B4GALT4: variants seen among roughly 807,000 people sequenced by gnomAD.
The protein encoded by B4GALT4 is N-acetyllactosamine synthase.
In B4GALT4, 27 loss-of-function variants were observed where a neutral mutation model predicts 37.3. That is an observed-to-expected ratio of 0.72 (90% CI 0.53 to 1.00). B4GALT4 has a LOEUF of 1.00. B4GALT4 is among the 50% of genes least tolerant of loss of function. The probability of loss-of-function intolerance (pLI) is 0.00; values close to 1 mark genes in which losing one functional copy is unlikely to be tolerated. For missense variants in B4GALT4, 372 were observed against 413.1 expected (o/e 0.90, Z 0.86); for synonymous variants, 148 against 154.1 (o/e 0.96, Z 0.29).
intron 2 of B4GALT4, among the ~76,000 whole-genome samples, chr3:119,231,212 C>A (rs908631356): frequency 6.6e-6 from 1 of 152,112 alleles, no homozygotes; most frequent in South Asian, 2.1e-4. Flanking sequence ...TAAGAGGGGG[C>A]TATGCTCTTA....
intron 2 of B4GALT4, among the ~76,000 whole-genome samples, chr3:119,234,052 T>C (rs1273669845): frequency 2.6e-5 from 4 of 152,194 alleles, no homozygotes; most frequent in Non-Finnish European, 4.4e-5. Context: ...AAAGTTGCTC[T>C]AGGAATTTAA....
At chr3:119,233,307 G>A (rs550670190) in intron 2 of B4GALT4, among the ~76,000 whole-genome samples, 1 of 152,258 alleles carries the variant, frequency 6.6e-6, no homozygotes, top group Non-Finnish European at 1.5e-5. Flanking sequence ...GGGGTACATG[G>A]GAAATCTCTG....
At chr3:119,216,112 T>C (rs1248532451) in intron 7 of B4GALT4, 128 bp downstream of exon 7, 1 of 660,520 alleles carries the variant, frequency 1.5e-6, no homozygotes, top group Non-Finnish European at 2.3e-6. Flanking sequence ...TGTGTCTGTT[T>C]GAAAATTTGC....
At chr3:119,236,148 C>T (rs2078978601) in intron 2 of B4GALT4, 1 of 152,150 alleles carries the variant, frequency 6.6e-6, no homozygotes, top group South Asian at 2.1e-4. Context: ...AATCCAATCG[C>T]TCACCACAAG....
chr3:119,216,443 CAT>C (rs1438727546), intron 6 of B4GALT4, 99 bp from the exon 7 acceptor site: 137 of 3,048 alleles, frequency 0.045, 9 homozygotes, highest in East Asian at 0.16. Context: ...CACACACGCA[CAT>C]ACACACACAC....
intron 1 of B4GALT4, chr3:119,240,413 G>A (rs1416360949): frequency 6.6e-6 from 1 of 152,286 alleles, no homozygotes; most frequent in East Asian, 1.9e-4. Context: ...TGGGGCTGGT[G>A]TCAGCTGATC....
intron 5 of B4GALT4, 111 bp from the exon 6 acceptor site, chr3:119,218,883 C>T: frequency 1.6e-6 from 2 of 1,224,692 alleles, no homozygotes; most frequent in Admixed American, 2.1e-5. Flanking sequence ...CACCCACCCA[C>T]TCCTGCTTCT....
At chr3:119,220,433 T>C (rs536390529) in intron 5 of B4GALT4, among the ~76,000 whole-genome samples, 109 of 152,368 alleles carry the variant, frequency 7.2e-4, no homozygotes, top group African/African-American at 2.4e-3. Flanking sequence ...GACGGCTGGC[T>C]AAACACGGGA....
Position 119,212,578 on chromosome 3 carries a change from T to G in B4GALT4, c.1006A>C (p.Ile336Leu). ...GCACCAAACCAGAAATCCACTGTGATGTTGATATATAAAGGATTGTGTTCC... is the reference window on the plus strand; with the variant it reads ...GCACCAAACCAGAAATCCACTGTGAGGTTGATATATAAAGGATTGTGTTCC... ...SVEHNPLYIN[I>L]TVDFWFGA is the part of the protein sequence containing the mutation. Residue 336 changes from isoleucine (I) to leucine (L), a missense_variant, in exon 8 of 8, where the codon ATC becomes CTC. Transcript: ENST00000393765. 6.2e-7 allele frequency: 1 copy of G among 1,608,980 alleles called. No individual in the cohort carries two copies. Among genetic ancestry groups the G allele is most frequent in the Non-Finnish European group, 8.5e-7 (1 of 1,178,540 alleles).
At chr3:119,230,477 G>A in intron 2 of B4GALT4, 1 of 228,058 alleles carries the variant, frequency 4.4e-6, no homozygotes, top group Non-Finnish European at 8.7e-6. Flanking sequence ...ACCCAAGAAG[G>A]GAAGCAATTT....
At chr3:119,240,446 A>C (rs1361091588) in intron 1 of B4GALT4, 3 of 151,832 alleles carry the variant, frequency 2.0e-5, no homozygotes, top group Non-Finnish European at 2.9e-5. Context: ...GAAACGCTGG[A>C]GAAGGAGGGT....
At chr3:119,227,130 T>G (rs756009484) in intron 3 of B4GALT4, 89 bp from the exon 4 acceptor site, 13 of 1,115,444 alleles carry the variant, frequency 1.2e-5, no homozygotes, top group Non-Finnish European at 1.7e-5. Flanking sequence ...GAAAGAACAC[T>G]GCCCAGCTCA....
chr3:119,226,725 C>A, intron 4 of B4GALT4, 84 bp downstream of exon 4: 1 of 1,180,744 alleles, frequency 8.5e-7, no homozygotes, highest in Non-Finnish European at 1.2e-6. Flanking sequence ...TTCCTTTTAC[C>A]CAACATAGAC....
chr3:119,212,590 A>G lies in B4GALT4; in HGVS notation c.994T>C (p.Leu332=), dbSNP rs1305332583. 1 of 1,612,024 alleles carries G rather than the reference A, an allele frequency of 6.2e-7. No homozygotes were observed. Among genetic ancestry groups the G allele is most frequent in the Admixed American group, 1.7e-5 (1 of 59,534 alleles). The part of the protein sequence containing the change: ...YKLVSVEHNP[L]YINITVDFWF... ...AAATCCACTGTGATGTTGATATATA[A>G]AGGATTGTGTTCCACAGATACTAAT... Residue 332 remains leucine, a synonymous_variant, in exon 8 of 8, where the codon TTA becomes CTA. Coordinates refer to ENST00000393765, the MANE Select transcript of B4GALT4 (RefSeq NM_003778.4).
chr3:119,217,400 T>C (rs1400650703), intron 6 of B4GALT4, among the ~76,000 whole-genome samples: 2 of 152,156 alleles, frequency 1.3e-5, no homozygotes, highest in Admixed American at 6.5e-5. Flanking sequence ...GTCAGGGGAA[T>C]CCACTCCCTC....
chr3:119,212,146 T>G lies in B4GALT4; in HGVS notation c.*403A>C. The G allele has an allele frequency of 2.8e-6, 2 of 703,048 alleles. No individual in the cohort carries two copies. The highest frequency in any genetic ancestry group is 5.2e-6 in the Non-Finnish European group (2 of 385,006). The allele number at this position is 703,048 out of a possible 1,614,324, so 43.6% of individuals were successfully genotyped here. A position where few individuals can be genotyped will look rare whatever the true frequency, so the allele number is the denominator to read the frequency against. ...ATTGTATCTTCGTACCTTTCTACCT[T>G]GGACGAGAACAACTCTGGTTCTCTC... On this transcript the variant is annotated 3_prime_UTR_variant, in exon 8 of 8. Transcript: ENST00000393765.
intron 2 of B4GALT4, among the ~76,000 whole-genome samples, chr3:119,235,816 TA>T (rs772020988): frequency 3.3e-5 from 5 of 149,872 alleles, no homozygotes; most frequent in Admixed American, 6.6e-5. Flanking sequence ...TTGAGTAATT[TA>T]AAAAAAAAAT....
At position 119,221,253 on chromosome 3, in the gene B4GALT4, G is replaced by A. The variant is rs16829516; in HGVS notation, c.675-2481C>T. Reference sequence around the variant, plus strand: ...AAAATTTGCCACTGGCTGGTCCAGAGCTTCATCACTGATCCCATAGGCAGT... The same window carrying A: ...AAAATTTGCCACTGGCTGGTCCAGAACTTCATCACTGATCCCATAGGCAGT... On this transcript the variant is annotated intron_variant, in intron 5 of 7. Coordinates refer to ENST00000393765, the MANE Select transcript of B4GALT4 (RefSeq NM_003778.4). Among the ~76,000 whole-genome samples, 1,330 of 152,320 alleles carry A rather than the reference G, an allele frequency of 8.7e-3. 16 individuals are homozygous for A. The highest frequency in any genetic ancestry group is 0.031 in the African/African-American group (1,290 of 41,558).
At chr3:119,212,734 C>A in intron 7 of B4GALT4, 53 bp from the exon 8 acceptor site, 2 of 1,492,830 alleles carry the variant, frequency 1.3e-6, no homozygotes, top group Admixed American at 4.5e-5. Flanking sequence ...TATGTCTCCA[C>A]TGCATTTTGC....
Sources: allele counts gnomAD v4.1 joint callset (sites outside exome capture counted in the v4.1 genomes callset), GRCh38; gene constraint gnomAD v4.1.1; transcripts MANE v1.5; gene names NCBI Gene and HGNC (gene_info 2026-07-23, HGNC 2026-07-21).